GRIK4: variants seen among roughly 807,000 people sequenced by gnomAD.
The protein encoded by GRIK4 is glutamate receptor ionotropic, kainate 4.
In GRIK4, 40 loss-of-function variants were observed where a neutral mutation model predicts 104.9. The observed-to-expected ratio is 0.38, with a 90% confidence interval of 0.30 to 0.50. GRIK4 has a LOEUF of 0.50. GRIK4 is among the 20% of genes least tolerant of loss of function. The pLI is 0.93. For missense variants in GRIK4, 1,047 were observed against 1,308.1 expected (o/e 0.80, Z 3.08); for synonymous variants, 485 against 524.9 (o/e 0.92, Z 1.04).
intron 3 of GRIK4, among the ~76,000 whole-genome samples, chr11:120,777,615 T>C (rs1952068634): frequency 6.6e-6 from 1 of 152,136 alleles, no homozygotes; most frequent in Non-Finnish European, 1.5e-5. Flanking sequence ...GTGGAATGTG[T>C]TGGGTGTTGA....
chr11:120,943,546 C>CTTTA (rs1320969351), intron 14 of GRIK4, among the ~76,000 whole-genome samples: 1 of 152,176 alleles, frequency 6.6e-6, no homozygotes, highest in Non-Finnish European at 1.5e-5. Flanking sequence ...TAATTCTAAA[C>CTTTA]TTACATAGAG....
At chr11:120,791,247 T>C (rs1309059992) in intron 3 of GRIK4, among the ~76,000 whole-genome samples, 1 of 152,160 alleles carries the variant, frequency 6.6e-6, no homozygotes, top group East Asian at 1.9e-4. Flanking sequence ...TTCTGGTTCT[T>C]CCATATCCAT....
chr11:120,815,426 C>G lies in GRIK4; in HGVS notation c.296C>G (p.Ser99Cys). 1 of 1,552,894 alleles carries G rather than the reference C, an allele frequency of 6.4e-7. No homozygotes were observed. Among genetic ancestry groups the G allele is most frequent in the Non-Finnish European group, 8.7e-7 (1 of 1,147,512 alleles). The change falls in exon 5 of 21, where the codon TCC becomes TGC. Residue 99 changes from serine (S) to cysteine (C), a missense_variant. By Grantham distance (112) the Ser-to-Cys change is moderately radical. Around this residue, in one of 3 missense-constraint regions of GRIK4, gnomAD observed 447 missense variants for 514.9 expected, o/e 0.87. Transcript: ENST00000527524. ...GTGGTCGCTGTCCTCGGACCATCGT[C>G]CAGCCCAGCCTCCAGCTCCATCATC... ...KGVVAVLGPS[S>C]SPASSSIISN... is the part of the protein sequence containing the mutation.
chr11:120,907,380 A>T lies in GRIK4; in HGVS notation c.1476+1887A>T, dbSNP rs558232831. ...ACATAGACTGGAGGACAAGGAGAGG[A>T]GTCTGGGACTCATAGACATGCAGCC... On this transcript the variant is annotated intron_variant, in intron 13 of 20. Coordinates refer to ENST00000527524, the MANE Select transcript of GRIK4 (RefSeq NM_014619.5). 3.9e-5 allele frequency among the ~76,000 whole-genome samples: 6 copies of T among 152,260 alleles called. No homozygotes were observed. The East Asian group carries it at 1.2e-3, about 29-fold the overall frequency.
rs1364159783 is a variant in GRIK4, at chr11:120,905,604, T to C, written c.1476+111T>C. On this transcript the variant is annotated intron_variant, in intron 13 of 20. Coordinates refer to ENST00000527524, the MANE Select transcript of GRIK4 (RefSeq NM_014619.5). The surrounding 1 kb of genome is among the most constrained non-coding windows in gnomAD (Gnocchi z 5.1). ...CTCCATTTGTTCAGTCAATCATTCA[T>C]GCATTTGTCATTTATTTGTCCACTC... is the stretch of plus-strand genomic sequence containing the variant. 5.2e-6 allele frequency: 4 copies of C among 764,862 alleles called. No homozygotes were observed. In the Admixed American group the frequency reaches 6.0e-5, roughly 11 times the overall value. 47.4% of individuals were successfully genotyped at this position (764,862 alleles called of 1,614,324 possible).
intron 3 of GRIK4, among the ~76,000 whole-genome samples, chr11:120,793,118 A>G (rs1952433498): frequency 6.6e-6 from 1 of 152,212 alleles, no homozygotes; most frequent in Non-Finnish European, 1.5e-5. Flanking sequence ...TAGTTAGACA[A>G]AGAATCAAAA....
In GRIK4 at chr11:120,862,342, A is replaced by C. The variant is rs114090691; in HGVS notation, c.906+222A>C. On this transcript the variant is annotated intron_variant, in intron 9 of 20. Transcript: ENST00000527524. Reference sequence around the variant, plus strand: ...GGGAGGGGGCTGTGTAGAGGCACTGAGTTGTCACTTAGTGATGGCTGCAAG... The same window carrying C: ...GGGAGGGGGCTGTGTAGAGGCACTGCGTTGTCACTTAGTGATGGCTGCAAG... 3,312 of 449,406 alleles carry C rather than the reference A, an allele frequency of 7.4e-3. 86 individuals carry two copies. The highest frequency in any genetic ancestry group is 0.057 in the African/African-American group (2,869 of 50,458). 27.8% of individuals were successfully genotyped at this position (449,406 alleles called of 1,614,324 possible).
intron 8 of GRIK4, among the ~76,000 whole-genome samples, chr11:120,841,139 A>G (rs941732788): frequency 3.9e-5 from 6 of 152,136 alleles, no homozygotes; most frequent in African/African-American, 1.4e-4. Context: ...CATTGTAACC[A>G]TATTTAAGTA....
At chr11:120,598,810 A>G (rs977166904) in intron 1 of GRIK4, among the ~76,000 whole-genome samples, 10 of 152,372 alleles carry the variant, frequency 6.6e-5, no homozygotes, top group East Asian at 1.9e-4. Flanking sequence ...GACCCTGTCT[A>G]TCTTGCAGAA....
chr11:120,697,207 C>A (rs951280460), intron 3 of GRIK4, among the ~76,000 whole-genome samples: 5 of 152,196 alleles, frequency 3.3e-5, no homozygotes, highest in African/African-American at 1.2e-4. Context: ...TGAGAGAGAG[C>A]CTTTGGTTGG....
chr11:120,554,406 G>C (rs1033004084), intron 1 of GRIK4, among the ~76,000 whole-genome samples: 8 of 152,270 alleles, frequency 5.3e-5, no homozygotes, highest in African/African-American at 1.9e-4. Flanking sequence ...TCCCAACCTT[G>C]CAGCCCCTGC....
intron 1 of GRIK4, among the ~76,000 whole-genome samples, chr11:120,631,538 C>T (rs1949333649): frequency 1.3e-5 from 2 of 152,144 alleles, no homozygotes; most frequent in South Asian, 4.1e-4. Flanking sequence ...GTAAACTCAG[C>T]AGCGTCCCCC....
intron 1 of GRIK4, among the ~76,000 whole-genome samples, chr11:120,605,931 G>A (rs889888081): frequency 4.6e-5 from 7 of 152,224 alleles, no homozygotes; most frequent in African/African-American, 1.7e-4. Flanking sequence ...GGCGGTGGCT[G>A]GGGAGAGGGT....
chr11:120,838,771 T>TTG (rs1213813651), intron 8 of GRIK4, among the ~76,000 whole-genome samples: 3 of 151,580 alleles, frequency 2.0e-5, no homozygotes, highest in East Asian at 1.9e-4. Flanking sequence ...TATTTTGTTT[T>TTG]TGTGTGTGTG....
intron 1 of GRIK4, among the ~76,000 whole-genome samples, chr11:120,631,015 A>G (rs967368320): frequency 6.6e-6 from 1 of 152,220 alleles, no homozygotes; most frequent in African/African-American, 2.4e-5. Flanking sequence ...TGTCATTTAC[A>G]AGCTGGGTCA....
intron 3 of GRIK4, among the ~76,000 whole-genome samples, chr11:120,696,390 A>G (rs1950449269): frequency 6.6e-6 from 1 of 151,688 alleles, no homozygotes; most frequent in Non-Finnish European, 1.5e-5. Context: ...TCCAGACTTG[A>G]AAAGAGCCTC....
chr11:120,817,684 G>A (rs1205729556), intron 5 of GRIK4, among the ~76,000 whole-genome samples: 2 of 152,140 alleles, frequency 1.3e-5, no homozygotes, highest in Non-Finnish European at 2.9e-5. Flanking sequence ...AGTATAGATC[G>A]ATCTTTGTCC....
intron 3 of GRIK4, among the ~76,000 whole-genome samples, chr11:120,674,155 A>G (rs921105216): frequency 5.3e-5 from 8 of 152,144 alleles, no homozygotes; most frequent in Admixed American, 1.3e-4. Flanking sequence ...ATTGGATCCA[A>G]TTCATCAACC....
In GRIK4 at chr11:120,948,678, T is replaced by C. The variant is rs558166310; in HGVS notation, c.1591-4177T>C. On this transcript the variant is annotated intron_variant, in intron 14 of 20. Transcript: ENST00000527524. ...TCTTCCCCAAAGCATCTTTAACATG[T>C]GTCACTGTAAGAGAGAAAGTATAGT... is the stretch of plus-strand genomic sequence containing the variant. Among the ~76,000 whole-genome samples the C allele has an allele frequency of 1.1e-4, 16 of 152,330 alleles. No homozygotes were observed. In the South Asian group the frequency reaches 3.3e-3, roughly 32 times the overall value.
Sources: allele counts gnomAD v4.1 joint callset (sites outside exome capture counted in the v4.1 genomes callset), GRCh38; gene constraint gnomAD v4.1.1; regional missense constraint gnomAD v4.1.1; non-coding constraint Gnocchi (gnomAD v3.1); transcripts MANE v1.5; gene names NCBI Gene and HGNC (gene_info 2026-07-23, HGNC 2026-07-21).